The following USF3 variants were observed in gnomAD, a reference collection of about 807,000 sequenced individuals.
USF3 encodes basic helix-loop-helix domain-containing protein USF3.
In USF3, 29 loss-of-function variants were observed where a neutral mutation model predicts 157.5. The ratio of observed to expected loss-of-function variants is 0.18; its 90% confidence interval spans 0.14 to 0.25. The LOEUF (loss-of-function observed/expected upper bound fraction) is 0.25, where lower values mean the gene tolerates loss of function less well. Among genes scored for constraint, USF3 ranks in the 10% least tolerant of loss-of-function variants. The probability of loss-of-function intolerance (pLI) is 1.00; values close to 1 mark genes in which losing one functional copy is unlikely to be tolerated. For missense variants in USF3, 2,381 were observed against 2,667.6 expected, an observed-to-expected ratio of 0.89 and a Z score of 2.37; for synonymous variants, 893 against 941.4, an observed-to-expected ratio of 0.95 and a Z score of 0.94.
Position 113,661,142 on chromosome 3 carries a change from G to C in USF3, c.540C>G (p.Thr180=), listed in dbSNP as rs866817795. 1.2e-6 allele frequency: 2 copies of C among 1,614,082 alleles called. No individual in the cohort carries two copies. Among genetic ancestry groups the C allele is most frequent in the South Asian group, 1.1e-5 (1 of 91,086 alleles). ...TCCTCTGTACTGGCACCACATTGGCGGTCTGCTTTTGTAAATTATGACTAA... is the reference window on the plus strand; with the variant it reads ...TCCTCTGTACTGGCACCACATTGGCCGTCTGCTTTTGTAAATTATGACTAA... ...FNVSHNLQKQ[T]ANVVPVQRTC... Residue 180 remains threonine (T), a synonymous_variant, in exon 7 of 7, where the codon ACC becomes ACG. Transcript: ENST00000316407.
chr3:113,658,746 A>G lies in USF3; in HGVS notation c.2936T>C (p.Ile979Thr), dbSNP rs374712674. ...TTGCTCAACTCTGCAAGGTTCAGCAATGATTTCTACCTCAGAAACACAGTC... is the reference window on the plus strand; with the variant it reads ...TTGCTCAACTCTGCAAGGTTCAGCAGTGATTTCTACCTCAGAAACACAGTC... ...STDCVSEVEI[I>T]AEPCRVEQDS... The change falls in exon 7 of 7, where the codon ATT becomes ACT. Residue 979 changes from isoleucine to threonine, a missense_variant. By Grantham distance (89) the Ile-to-Thr change is moderately conservative. This residue lies in a region of USF3 where 1,435 missense variants were observed against 1,550.9 expected (regional missense o/e 0.93). Transcript: ENST00000316407. 1 of 1,614,036 alleles carries G rather than the reference A, an allele frequency of 6.2e-7. No individual in the cohort carries two copies. The highest frequency in any genetic ancestry group is 1.3e-5 in the African/African-American group (1 of 74,928).
At chr3:113,666,955 C>A (rs1199486967) in intron 5 of USF3, among the ~76,000 whole-genome samples, 1 of 151,968 alleles carries the variant, frequency 6.6e-6, no homozygotes, top group East Asian at 1.9e-4. Flanking sequence ...ATTTAAGATA[C>A]CTTAACAGTC....
At chr3:113,683,597 T>C (rs1284988328) in intron 1 of USF3, among the ~76,000 whole-genome samples, 3 of 150,656 alleles carry the variant, frequency 2.0e-5, no homozygotes, top group Non-Finnish European at 4.4e-5. Flanking sequence ...GCCGCCCAAG[T>C]AGCCGGGACT....
At chr3:113,680,543 G>C (rs1707391987) in intron 1 of USF3, among the ~76,000 whole-genome samples, 1 of 151,954 alleles carries the variant, frequency 6.6e-6, no homozygotes, top group African/African-American at 2.4e-5. Flanking sequence ...CAGGCACAGT[G>C]GCTCACGCTT....
Position 113,656,488 on chromosome 3 carries a change from A to G in USF3, c.5194T>C (p.Ser1732Pro), listed in dbSNP as rs762700011. 2 of 1,614,218 alleles carry G rather than the reference A, an allele frequency of 1.2e-6. No homozygotes were observed. Among genetic ancestry groups the G allele is most frequent in the Admixed American group, 3.3e-5 (2 of 60,032 alleles). Residue 1732 changes from serine (S) to proline (P), a missense_variant, in exon 7 of 7, where the codon TCT becomes CCT. Ser to Pro is a moderately conservative substitution (Grantham distance 74, BLOSUM62 -1). Transcript: ENST00000316407. Reference sequence around the variant, plus strand: ...CTTGGTTTAAACGTCTGACAATCAGAAAGGCGGATATCTGAGGCCACAGTA... The same window carrying G: ...CTTGGTTTAAACGTCTGACAATCAGGAAGGCGGATATCTGAGGCCACAGTA... The part of the protein sequence containing the change: ...DHTVASDIRL[S>P]DCQTFKPSGA...
At chr3:113,686,975 C>G (rs996853291) in intron 1 of USF3, among the ~76,000 whole-genome samples, 2 of 152,060 alleles carry the variant, frequency 1.3e-5, no homozygotes, top group Non-Finnish European at 2.9e-5. Context: ...CTAGCCCACA[C>G]GCAAAGCGAG....
Position 113,682,233 on chromosome 3 carries a change from G to A in USF3, c.-134-4836C>T, listed in dbSNP as rs140845886. Reference sequence around the variant, plus strand: ...CCAACTACTGCAGAGACTGAGGTGGGAGAATCACTTGAGCCTGGGAAGTTG... The same window carrying A: ...CCAACTACTGCAGAGACTGAGGTGGAAGAATCACTTGAGCCTGGGAAGTTG... On this transcript the variant is annotated intron_variant, in intron 1 of 6. Coordinates refer to ENST00000316407, the MANE Select transcript of USF3 (RefSeq NM_001009899.4). Among the ~76,000 whole-genome samples, 43 of 152,254 alleles carry A rather than the reference G, an allele frequency of 2.8e-4. No homozygotes were observed. In the East Asian group the frequency reaches 6.2e-3, roughly 22 times the overall value.
At chr3:113,681,527 A>G (rs922657731) in intron 1 of USF3, among the ~76,000 whole-genome samples, 11 of 147,896 alleles carry the variant, frequency 7.4e-5, no homozygotes, top group Admixed American at 1.3e-4. Context: ...AAGATACTTG[A>G]TATTATTTCA....
Position 113,658,427 on chromosome 3 carries a change from G to C in USF3, c.3255C>G (p.Asp1085Glu), listed in dbSNP as rs779336835. 13 of 1,613,998 alleles carry C rather than the reference G, an allele frequency of 8.1e-6. No individual in the cohort carries two copies. The highest frequency in any genetic ancestry group is 1.1e-5 in the South Asian group (1 of 91,090). The change falls in exon 7 of 7, where the codon GAC becomes GAG. Residue 1085 changes from aspartate to glutamate, a missense_variant. Physicochemically the swap from Asp to Glu is conservative, Grantham distance 45. Coordinates refer to ENST00000316407, the MANE Select transcript of USF3 (RefSeq NM_001009899.4). ...NGSLINGRQA[D>E]SPMSTSSGSS... Reference sequence around the variant, plus strand: ...TGCCAGAGCTGGTTGACATGGGAGAGTCGGCCTGTCTACCGTTGATCAAAG... The same window carrying C: ...TGCCAGAGCTGGTTGACATGGGAGACTCGGCCTGTCTACCGTTGATCAAAG...
At chr3:113,672,062 C>T (rs1436231973) in intron 4 of USF3, among the ~76,000 whole-genome samples, 3 of 151,894 alleles carry the variant, frequency 2.0e-5, no homozygotes, top group Non-Finnish European at 2.9e-5. Context: ...TGAGCCATCA[C>T]GCCTGGCCTA....
Position 113,656,932 on chromosome 3 carries a change from T to C in USF3, c.4750A>G (p.Thr1584Ala), listed in dbSNP as rs577242487. The C allele has an allele frequency of 3.9e-5, 63 of 1,614,172 alleles. 1 individual carries two copies. In the South Asian group the frequency reaches 6.4e-4, roughly 16 times the overall value. The change falls in exon 7 of 7, where the codon ACT becomes GCT. Residue 1584 changes from threonine to alanine, a missense_variant. Transcript: ENST00000316407. Reference sequence around the variant, plus strand: ...GGATGGTTATGATGGTTCCGACTAGTTGAAGGGTTTTCACAGCTCTTCTCT... The same window carrying C: ...GGATGGTTATGATGGTTCCGACTAGCTGAAGGGTTTTCACAGCTCTTCTCT... ...QTEKSCENPS[T>A]SRNHHNHPQN...
intron 1 of USF3, among the ~76,000 whole-genome samples, chr3:113,682,760 T>C (rs1707462538): frequency 6.6e-6 from 1 of 152,222 alleles, no homozygotes; most frequent in Non-Finnish European, 1.5e-5. Context: ...TTTTATTTGA[T>C]ATAACTACTC....
chr3:113,653,459 C>T lies in USF3; in HGVS notation c.*1485G>A, dbSNP rs1947298850. 6.6e-6 allele frequency: 1 copy of T among 152,178 alleles called. No homozygotes were observed. Among genetic ancestry groups the T allele is most frequent in the African/African-American group, 2.4e-5 (1 of 41,330 alleles). The allele number at this position is 152,178 out of a possible 1,614,324, so 9.4% of individuals were successfully genotyped here. A position where few individuals can be genotyped will look rare whatever the true frequency, so the allele number is the denominator to read the frequency against. On this transcript the variant is annotated 3_prime_UTR_variant, in exon 7 of 7. Transcript: ENST00000316407. ...TCTACTAAAAGTACCAAAAATTAGC[C>T]AGGTGTGGTGGCACGTGCCTGTAGT...
Position 113,648,568 on chromosome 3 carries a change from A to G in USF3, c.*6376T>C, listed in dbSNP as rs1430374249. ...TGCATTTGTAAAAAGATGTCAAAAT[A>G]AACAGGACCTATTCTTATTTACAAC... On this transcript the variant is annotated 3_prime_UTR_variant, in exon 7 of 7. Coordinates refer to ENST00000316407, the MANE Select transcript of USF3 (RefSeq NM_001009899.4). 2 of 152,662 alleles carry G rather than the reference A, an allele frequency of 1.3e-5. No homozygotes were observed. Among genetic ancestry groups the G allele is most frequent in the African/African-American group, 4.8e-5 (2 of 41,464 alleles). 9.5% of individuals were successfully genotyped at this position (152,662 alleles called of 1,614,324 possible). A position where few individuals can be genotyped will look rare whatever the true frequency, so the allele number is the denominator to read the frequency against.
intron 1 of USF3, among the ~76,000 whole-genome samples, chr3:113,680,053 C>CTTTTTTTTTTTTT (rs71131103): frequency 1.7e-4 from 10 of 58,640 alleles, no homozygotes; most frequent in Non-Finnish European, 2.4e-4. Flanking sequence ...CTGTAGTTTT[C>CTTTTTTTTTTTTT]TTTTTTTTTT....
chr3:113,670,577 G>C (rs561411601), intron 4 of USF3, among the ~76,000 whole-genome samples: 1 of 151,818 alleles, frequency 6.6e-6, no homozygotes, highest in Non-Finnish European at 1.5e-5. Context: ...TCCACCCTGC[G>C]TGACAGAACG....
At chr3:113,680,053 CTT>C (rs71131103) in intron 1 of USF3, among the ~76,000 whole-genome samples, 14 of 58,636 alleles carry the variant, frequency 2.4e-4, no homozygotes, top group African/African-American at 8.5e-4. Context: ...CTGTAGTTTT[CTT>C]TTTTTTTTTT....
chr3:113,664,389 G>A lies in USF3; in HGVS notation c.180C>T (p.Asp60=). ...ATTCTGTTATATATTTAAAGGCTTG[G>A]TCCAGGATCATATTCTTGCTCTGTC... ...ALKQSKNMIL[D]QAFKYITELK... Residue 60 remains aspartate (D), a synonymous_variant, in exon 6 of 7, where the codon GAC becomes GAT. Transcript: ENST00000316407. The A allele has an allele frequency of 6.2e-7, 1 of 1,605,904 alleles. No homozygotes were observed. Among genetic ancestry groups the A allele is most frequent in the Middle Eastern group, 1.7e-4 (1 of 5,936 alleles).
chr3:113,687,130 T>A (rs186046393), intron 1 of USF3, among the ~76,000 whole-genome samples: 3 of 152,216 alleles, frequency 2.0e-5, no homozygotes, highest in African/African-American at 7.2e-5. Flanking sequence ...ATTCTTCAGA[T>A]CACAATTCAA....
Sources: gnomAD v4.1 joint callset for allele counts (sites outside exome capture counted in the v4.1 genomes callset) on GRCh38, gnomAD v4.1.1 for gene constraint, gnomAD v4.1.1 regional missense constraint, MANE v1.5 for transcripts, NCBI Gene and HGNC (gene_info 2026-07-23, HGNC 2026-07-21) for gene names.